HS3ST4: variants seen among roughly 807,000 people sequenced by gnomAD.
The protein encoded by HS3ST4 is heparan sulfate-glucosamine 3-sulfotransferase 4, also known as heparan sulfate glucosamine 3-O-sulfotransferase 4.
Under a neutral mutation model 29.2 loss-of-function variants are expected in HS3ST4, and 17 were observed. That is an observed-to-expected ratio of 0.58 (90% confidence interval 0.40 to 0.87). HS3ST4 has a LOEUF of 0.87. Among genes scored for constraint, HS3ST4 ranks in the 40% least tolerant of loss-of-function variants. HS3ST4 has a pLI of 0.00. For missense variants in HS3ST4, 627 were observed against 634.5 expected (o/e 0.99, Z 0.13); for synonymous variants, 314 against 285.7 (o/e 1.10, Z -1.00).
chr16:26,027,466 T>C (rs1420475042), intron 1 of HS3ST4, among the ~76,000 whole-genome samples: 1 of 152,232 alleles, frequency 6.6e-6, no homozygotes, highest in Non-Finnish European at 1.5e-5. Context: ...TACTTTGTCA[T>C]GTCATTATTT....
chr16:25,969,977 C>G (rs561570200), intron 1 of HS3ST4, among the ~76,000 whole-genome samples: 1 of 152,186 alleles, frequency 6.6e-6, no homozygotes, highest in Non-Finnish European at 1.5e-5. Flanking sequence ...GAATGCTGCT[C>G]CTAGTGCCTA....
chr16:25,945,603 C>T (rs1160172955), intron 1 of HS3ST4, among the ~76,000 whole-genome samples: 4 of 152,188 alleles, frequency 2.6e-5, no homozygotes, highest in Non-Finnish European at 5.9e-5. Context: ...GTTTCTACTA[C>T]TGCAATGTCC....
chr16:25,971,245 TC>T (rs143543219), intron 1 of HS3ST4, among the ~76,000 whole-genome samples: 13,365 of 152,222 alleles, frequency 0.088, 771 homozygotes, highest in Non-Finnish European at 0.12. Flanking sequence ...GACTTTACAT[TC>T]TTTTGAGCCA....
chr16:26,056,296 A>G (rs193191935), intron 1 of HS3ST4, among the ~76,000 whole-genome samples: 3 of 152,352 alleles, frequency 2.0e-5, no homozygotes, highest in African/African-American at 4.8e-5. Flanking sequence ...TTTGAGAACT[A>G]TTGGTCAAAA....
intron 1 of HS3ST4, among the ~76,000 whole-genome samples, chr16:25,726,953 T>G (rs537851921): frequency 2.9e-4 from 44 of 152,318 alleles, no homozygotes; most frequent in Admixed American, 2.6e-4. Context: ...ATGGATTCAC[T>G]GATTCTCAGA....
Position 25,778,968 on chromosome 16 carries a change from T to C in HS3ST4, c.734+85817T>C, listed in dbSNP as rs937917587. 4.3e-4 allele frequency among the ~76,000 whole-genome samples: 65 copies of C among 152,162 alleles called. 1 individual carries two copies. Among genetic ancestry groups the C allele is most frequent in the Admixed American group, 3.3e-4 (5 of 15,274 alleles). ...TTTGGACTTACTAGCCCCCATATCA[T>C]GTGAGCCAAAGTCTTAAATCTCTCT... On this transcript the variant is annotated intron_variant, in intron 1 of 1. Coordinates refer to ENST00000331351, the MANE Select transcript of HS3ST4 (RefSeq NM_006040.3).
intron 1 of HS3ST4, among the ~76,000 whole-genome samples, chr16:26,010,695 A>G (rs1392882808): frequency 5.9e-5 from 9 of 152,160 alleles, no homozygotes; most frequent in Non-Finnish European, 1.2e-4. Context: ...TCTGCGTAGC[A>G]CTTAGAGAAT....
At chr16:25,804,778 A>G (rs1316353205) in intron 1 of HS3ST4, among the ~76,000 whole-genome samples, 1 of 152,108 alleles carries the variant, frequency 6.6e-6, no homozygotes, top group Non-Finnish European at 1.5e-5. Context: ...GTCCTCCCTT[A>G]GGCCATTGGG....
intron 1 of HS3ST4, among the ~76,000 whole-genome samples, chr16:25,943,182 A>T (rs908661631): frequency 1.3e-5 from 2 of 152,220 alleles, no homozygotes; most frequent in Admixed American, 1.3e-4. Context: ...ATTCTTAAGC[A>T]TCTGGGGCAT....
intron 1 of HS3ST4, among the ~76,000 whole-genome samples, chr16:25,890,120 C>G (rs1485538305): frequency 1.3e-5 from 2 of 152,160 alleles, no homozygotes; most frequent in Admixed American, 1.3e-4. Flanking sequence ...TCACCACAAC[C>G]CCATGAGATG....
intron 1 of HS3ST4, among the ~76,000 whole-genome samples, chr16:25,999,832 AT>A (rs1404887772): frequency 1.5e-5 from 2 of 130,032 alleles, no homozygotes; most frequent in African/African-American, 5.6e-5. Context: ...ATATTTATAT[AT>A]TATATATATT....
chr16:26,013,878 CAT>C (rs1205663095), intron 1 of HS3ST4, among the ~76,000 whole-genome samples: 1 of 152,044 alleles, frequency 6.6e-6, no homozygotes, highest in East Asian at 1.9e-4. Flanking sequence ...GGTGTGGTGG[CAT>C]GCCCGTAGTC....
chr16:25,996,114 G>A (rs547538263), intron 1 of HS3ST4, among the ~76,000 whole-genome samples: 14 of 152,090 alleles, frequency 9.2e-5, no homozygotes, highest in Non-Finnish European at 1.8e-4. Context: ...AAGAAACGAT[G>A]AGAGACCAGA....
intron 1 of HS3ST4, among the ~76,000 whole-genome samples, chr16:25,993,712 C>T (rs756882547): frequency 1.1e-4 from 16 of 151,792 alleles, no homozygotes; most frequent in African/African-American, 2.2e-4. Context: ...GCTATGCACT[C>T]GATAAATGTC....
At chr16:25,777,413 G>GTC (rs1655366400) in intron 1 of HS3ST4, among the ~76,000 whole-genome samples, 1 of 22,168 alleles carries the variant, frequency 4.5e-5, no homozygotes, top group Admixed American at 5.4e-4. Context: ...GCACACCAAA[G>GTC]TGTGTGTGTG....
intron 1 of HS3ST4, among the ~76,000 whole-genome samples, chr16:25,805,556 C>T (rs900986586): frequency 6.6e-6 from 1 of 152,080 alleles, no homozygotes; most frequent in South Asian, 2.1e-4. Context: ...GCAACTTTCA[C>T]GGTGGGATGA....
chr16:26,027,162 G>A (rs980852001), intron 1 of HS3ST4, among the ~76,000 whole-genome samples: 6 of 152,080 alleles, frequency 3.9e-5, no homozygotes, highest in African/African-American at 1.4e-4. Context: ...AAAAACAAAA[G>A]TAAAACTCTG....
intron 1 of HS3ST4, among the ~76,000 whole-genome samples, chr16:26,019,441 AT>A (rs1349244307): frequency 6.6e-6 from 1 of 152,046 alleles, no homozygotes; most frequent in East Asian, 1.9e-4. Context: ...TTACTTTATT[AT>A]TGCTTTATGG....
At chr16:25,873,738 A>G (rs1967796487) in intron 1 of HS3ST4, among the ~76,000 whole-genome samples, 1 of 151,770 alleles carries the variant, frequency 6.6e-6, no homozygotes, top group African/African-American at 2.4e-5. Flanking sequence ...CCAGCTAGCA[A>G]GCCATCCAGT....
Sources: allele counts gnomAD v4.1 joint callset (sites outside exome capture counted in the v4.1 genomes callset), GRCh38; gene constraint gnomAD v4.1.1; transcripts MANE v1.5; gene names NCBI Gene and HGNC (gene_info 2026-07-23, HGNC 2026-07-21).